Variants in NWD1 observed in about 807,000 individuals in gnomAD.
The protein encoded by NWD1 is NACHT and WD repeat domain containing 1, also known as NACHT domain- and WD repeat-containing protein 1.
A neutral mutation model predicts 135.1 loss-of-function variants in NWD1; 129 were observed. The observed-to-expected ratio is 0.96, with a 90% CI of 0.83 to 1.11. The LOEUF (loss-of-function observed/expected upper bound fraction) is 1.11, where lower values mean the gene tolerates loss of function less well. Among genes scored for constraint, NWD1 ranks in the 50% least tolerant of loss-of-function variants. The probability of loss-of-function intolerance (pLI) is 0.00; values close to 1 mark genes in which losing one functional copy is unlikely to be tolerated. For synonymous variants in NWD1, 773 were observed against 786.0 expected (o/e 0.98, Z 0.28); for missense variants, 1,740 against 1,851.3 (o/e 0.94, Z 1.10).
rs1970157957 is a variant in NWD1 at position 16,789,148 on chromosome 19, G to A, written c.2898G>A (p.Val966=). The change falls in exon 13 of 19, where the codon GTG becomes GTA. Residue 966 remains valine (V), a synonymous_variant. Transcript: ENST00000524140. ...PAEPQIWNLH[V]DEAHKVVYSA... is the part of the protein sequence containing the mutation. ...AACCTCAGATCTGGAACCTTCATGT[G>A]GATGAGGCACACAAAGTTGTGTATT... The A allele has an allele frequency of 1.9e-6, 3 of 1,614,042 alleles. No individual in the cohort carries two copies. The highest frequency in any genetic ancestry group is 1.7e-6 in the Non-Finnish European group (2 of 1,179,984).
chr19:16,779,513 T>C (rs570572988), intron 12 of NWD1, 48 bp downstream of exon 12: 6 of 1,595,060 alleles, frequency 3.8e-6, no homozygotes, highest in African/African-American at 2.7e-5. Context: ...TAGTGAAAAG[T>C]TGGTTCTCAG....
At chr19:16,805,771 T>G (rs1970729021) in intron 17 of NWD1, among the ~76,000 whole-genome samples, 1 of 152,204 alleles carries the variant, frequency 6.6e-6, no homozygotes, top group African/African-American at 2.4e-5. Context: ...GTTTGCCAAA[T>G]TAACGACTGA....
At chr19:16,760,312 C>T (rs1167373731) in intron 7 of NWD1, among the ~76,000 whole-genome samples, 1 of 149,700 alleles carries the variant, frequency 6.7e-6, no homozygotes, top group Non-Finnish European at 1.5e-5. Flanking sequence ...GGCTGCAGTA[C>T]AGTGGTTGTC....
chr19:16,723,771 C>A (rs913444122), intron 1 of NWD1, among the ~76,000 whole-genome samples: 1 of 152,098 alleles, frequency 6.6e-6, no homozygotes, highest in Non-Finnish European at 1.5e-5. Context: ...TCTCAGCTCA[C>A]TGCAACCTCT....
chr19:16,795,338 C>T (rs1234181416), intron 15 of NWD1, among the ~76,000 whole-genome samples: 3 of 152,112 alleles, frequency 2.0e-5, no homozygotes, highest in African/African-American at 7.2e-5. Flanking sequence ...CAGACCAGGC[C>T]ATGTGTCACC....
chr19:16,760,031 TGTG>T (rs1968948863), intron 7 of NWD1, among the ~76,000 whole-genome samples: 1 of 151,198 alleles, frequency 6.6e-6, no homozygotes, highest in Non-Finnish European at 1.5e-5. Context: ...GGTACACACT[TGTG>T]GTCCCAGCTA....
chr19:16,790,642 T>TA (rs61674251), intron 13 of NWD1, among the ~76,000 whole-genome samples: 1 of 70,608 alleles, frequency 1.4e-5, no homozygotes, highest in African/African-American at 3.2e-5. Flanking sequence ...TAAAAAAAAA[T>TA]AAATAAATAA....
intron 6 of NWD1, 37 bp downstream of exon 6, chr19:16,750,448 T>C: frequency 1.4e-6 from 2 of 1,431,008 alleles, no homozygotes; most frequent in Non-Finnish European, 1.8e-6. Context: ...ATTTATTTAT[T>C]TATGTTTTCT....
intron 4 of NWD1, among the ~76,000 whole-genome samples, chr19:16,738,829 T>TATACATTATATATAATATATA (rs1568340181): frequency 1.6e-5 from 2 of 125,396 alleles, no homozygotes; most frequent in African/African-American, 6.8e-5. Flanking sequence ...ATATATAATG[T>TATACATTATATATAATATATA]ATACATTATA....
At chr19:16,752,125 T>G (rs1968605861) in intron 6 of NWD1, among the ~76,000 whole-genome samples, 1 of 152,106 alleles carries the variant, frequency 6.6e-6, no homozygotes, top group Non-Finnish European at 1.5e-5. Flanking sequence ...GAACAAAACT[T>G]TGCCTTTACT....
In NWD1 at chr19:16,808,011, A is replaced by G; in HGVS notation, c.4162A>G (p.Arg1388Gly). The change falls in exon 18 of 19, where the codon AGG (arginine) becomes GGG (glycine). Residue 1388 changes from arginine (R) to glycine (G), a missense_variant. By Grantham distance (125) the Arg-to-Gly change is moderately radical (BLOSUM62 -2). Coordinates refer to ENST00000524140, the MANE Select transcript of NWD1 (RefSeq NM_001007525.5). ...CAAAGCGTTTCCCTTGGAGACCCAC[A>G]GGAGCCGAGTTGCCTGTGTGGAGGT... ...TSKAFPLETH[R>G]SRVACVEVSH... 6.2e-7 allele frequency: 1 copy of G among 1,614,170 alleles called. No individual in the cohort carries two copies. The highest frequency in any genetic ancestry group is 8.5e-7 in the Non-Finnish European group (1 of 1,180,024).
intron 7 of NWD1, among the ~76,000 whole-genome samples, chr19:16,760,707 T>C (rs891745615): frequency 6.6e-6 from 1 of 152,132 alleles, no homozygotes; most frequent in Non-Finnish European, 1.5e-5. Context: ...TCTCCTGCCT[T>C]AGCTTCCTGA....
rs569064241 is a variant in NWD1 at position 16,781,955 on chromosome 19, G to C, written c.2731+2490G>C. On this transcript the variant is annotated intron_variant, in intron 12 of 18. Transcript: ENST00000524140. Reference sequence around the variant, plus strand: ...AAAATACAAAAAAAATTAGCTGGGCGTGATGGTGGGTGCCTGTAGTCCCAG... The same window carrying C: ...AAAATACAAAAAAAATTAGCTGGGCCTGATGGTGGGTGCCTGTAGTCCCAG... 2.0e-5 allele frequency among the ~76,000 whole-genome samples: 3 copies of C among 151,480 alleles called. No homozygotes were observed. In the South Asian group the frequency reaches 6.3e-4, roughly 32 times the overall value.
intron 5 of NWD1, chr19:16,745,031 G>A (rs754606138): frequency 7.3e-6 from 4 of 547,278 alleles, no homozygotes; most frequent in African/African-American, 3.7e-5. Context: ...CTTGAGGCTG[G>A]GTAATTTACA....
intron 4 of NWD1, among the ~76,000 whole-genome samples, chr19:16,740,379 A>C (rs921375769): frequency 6.6e-6 from 1 of 152,090 alleles, no homozygotes; most frequent in African/African-American, 2.4e-5. Flanking sequence ...TCTGTCACCC[A>C]GGCTGGGGTG....
At position 16,815,528 on chromosome 19, in the gene NWD1, C is replaced by T; in HGVS notation, c.*489C>T. The T allele has an allele frequency of 1.8e-6, 1 of 541,642 alleles. No individual in the cohort carries two copies. Among genetic ancestry groups the T allele is most frequent in the South Asian group, 2.3e-5 (1 of 42,982 alleles). 33.6% of individuals were successfully genotyped at this position (541,642 alleles called of 1,614,324 possible). Reference sequence around the variant, plus strand: ...CATTTTCATTCTCAGACTTGCCACCCCCAGGTTAGCAACATGGTGGCCAAT... The same window carrying T: ...CATTTTCATTCTCAGACTTGCCACCTCCAGGTTAGCAACATGGTGGCCAAT... On this transcript the variant is annotated 3_prime_UTR_variant, in exon 19 of 19. Transcript: ENST00000524140.
At chr19:16,721,480 G>C (rs78126258) in intron 1 of NWD1, 5,694 of 152,372 alleles carry the variant, frequency 0.037, 367 homozygotes, top group African/African-American at 0.13. Flanking sequence ...ACGAGAGAAG[G>C]AACAGAAATT....
At chr19:16,745,527 G>A (rs906841176) in intron 5 of NWD1, among the ~76,000 whole-genome samples, 16 of 149,826 alleles carry the variant, frequency 1.1e-4, no homozygotes, top group Admixed American at 2.0e-4. Context: ...TCAGGAGTTC[G>A]AGACCAGCCT....
intron 17 of NWD1, chr19:16,801,726 A>T (rs1458363622): frequency 6.6e-6 from 1 of 152,252 alleles, no homozygotes; most frequent in Non-Finnish European, 1.5e-5. Flanking sequence ...AAAACAAAAC[A>T]ACAATAAAAA....
Sources: allele counts gnomAD v4.1 joint callset (sites outside exome capture counted in the v4.1 genomes callset), GRCh38; gene constraint gnomAD v4.1.1; transcripts MANE v1.5; gene names NCBI Gene and HGNC (gene_info 2026-07-23, HGNC 2026-07-21).